Variants in MICAL2 observed in about 807,000 individuals in gnomAD.
MICAL2 encodes [F-actin]-monooxygenase MICAL2.
In MICAL2, 77 loss-of-function variants were observed where a neutral mutation model predicts 127.3. That is an observed-to-expected ratio of 0.60 (90% CI 0.50 to 0.73). The LOEUF is 0.73. Ranked by LOEUF, MICAL2 falls within the 30% of genes least tolerant of loss-of-function variation. The pLI is 0.00. For synonymous variants in MICAL2, 570 were observed against 551.1 expected (o/e 1.03, Z -0.48); for missense variants, 1,351 against 1,434.4 (o/e 0.94, Z 0.94).
chr11:12,194,647 AC>A (rs1859650434), intron 3 of MICAL2, among the ~76,000 whole-genome samples: 1 of 152,028 alleles, frequency 6.6e-6, no homozygotes, highest in African/African-American at 2.4e-5. Flanking sequence ...TTTATCTGAC[AC>A]CCCTTTTTGG....
chr11:12,262,775 G>T (rs558631553), intron 27 of MICAL2: 3 of 490,242 alleles, frequency 6.1e-6, no homozygotes, highest in East Asian at 6.8e-5. Flanking sequence ...TGCATGCCCC[G>T]CCTCTCCTCT....
chr11:12,301,758 G>T (rs1383543976), intron 29 of MICAL2, among the ~76,000 whole-genome samples: 1 of 152,162 alleles, frequency 6.6e-6, no homozygotes, highest in Admixed American at 6.6e-5. Flanking sequence ...TAGTCCAGCT[G>T]CATCTGTTAG....
chr11:12,153,621 A>G (rs1213524893), intron 2 of MICAL2, among the ~76,000 whole-genome samples: 1 of 152,166 alleles, frequency 6.6e-6, no homozygotes, highest in African/African-American at 2.4e-5. Flanking sequence ...TATTTTTGGT[A>G]GAGATGGGGT....
chr11:12,361,462 A>G (rs1589927959), downstream of MICAL2, among the ~76,000 whole-genome samples: 1 of 152,190 alleles, frequency 6.6e-6, no homozygotes, highest in African/African-American at 2.4e-5. Flanking sequence ...GCATCAACCT[A>G]TTCTACTCAC....
chr11:12,246,798 A>G (rs560843547), intron 21 of MICAL2, among the ~76,000 whole-genome samples: 9 of 152,254 alleles, frequency 5.9e-5, no homozygotes, highest in African/African-American at 2.2e-4. Context: ...ATGAAAATCC[A>G]TTGTTAGGCA....
chr11:12,218,278 G>A (rs1029364878), intron 8 of MICAL2, among the ~76,000 whole-genome samples: 1 of 152,182 alleles, frequency 6.6e-6, no homozygotes, highest in African/African-American at 2.4e-5. Flanking sequence ...CCCTGCCTCT[G>A]CTGGCCCATA....
chr11:12,312,038 A>T (rs1458297503), intron 29 of MICAL2, among the ~76,000 whole-genome samples: 2 of 151,194 alleles, frequency 1.3e-5, no homozygotes, highest in Non-Finnish European at 3.0e-5. Context: ...ACAAATTTTT[A>T]AAATTATTAT....
chr11:12,189,554 G>A (rs1279630447), intron 3 of MICAL2, among the ~76,000 whole-genome samples: 1 of 152,198 alleles, frequency 6.6e-6, no homozygotes, highest in African/African-American at 2.4e-5. Flanking sequence ...TAGTTTTGCA[G>A]GGTTTAAATT....
chr11:12,340,577 C>T (rs1938847113), intron 32 of MICAL2, among the ~76,000 whole-genome samples: 2 of 152,156 alleles, frequency 1.3e-5, no homozygotes, highest in Non-Finnish European at 2.9e-5. Flanking sequence ...CAAAAAGACA[C>T]ATACAAGAAT....
intron 31 of MICAL2, chr11:12,327,092 TG>T: frequency 1.6e-6 from 2 of 1,277,918 alleles, no homozygotes; most frequent in South Asian, 2.5e-5. Context: ...CTCTTTCTCC[TG>T]GAAAGTAAGT....
chr11:12,216,092 A>C (rs1856114966), intron 7 of MICAL2, 127 bp from the exon 8 acceptor site: 1 of 692,166 alleles, frequency 1.4e-6, no homozygotes, highest in African/African-American at 1.8e-5. Context: ...TGTGTGCCTT[A>C]AAAACTGGTC....
chr11:12,167,382 GTT>G (rs963464014), intron 3 of MICAL2, among the ~76,000 whole-genome samples: 5 of 152,262 alleles, frequency 3.3e-5, no homozygotes, highest in African/African-American at 1.2e-4. Context: ...CCAGGCCCCG[GTT>G]TGTGCTCGAG....
At chr11:12,211,252 G>A (rs10765930) in intron 6 of MICAL2, among the ~76,000 whole-genome samples, 15,891 of 152,116 alleles carry the variant, frequency 0.1, 904 homozygotes, top group Admixed American at 0.15. Flanking sequence ...ATGGTGGCAC[G>A]TACCTGTAGT....
At chr11:12,269,308 C>A (rs530795782) in intron 24 of MICAL2, among the ~76,000 whole-genome samples, 1 of 152,126 alleles carries the variant, frequency 6.6e-6, no homozygotes, top group Non-Finnish European at 1.5e-5. Context: ...CAGAGGAATG[C>A]GGGTATGGGT....
chr11:12,255,090 G>A (rs1862147299), intron 22 of MICAL2: 1 of 153,192 alleles, frequency 6.5e-6, no homozygotes, highest in African/African-American at 2.4e-5. Flanking sequence ...GGCTAATTTT[G>A]TGTTTTTAGT....
chr11:12,168,968 AG>A (rs1855904818), intron 3 of MICAL2, among the ~76,000 whole-genome samples: 1 of 32,322 alleles, frequency 3.1e-5, no homozygotes, highest in Non-Finnish European at 1.2e-4. Context: ...AAAAAAGAAA[AG>A]AAAAGAAAAG....
chr11:12,195,556 C>G (rs1859786945), intron 3 of MICAL2, among the ~76,000 whole-genome samples: 1 of 141,858 alleles, frequency 7.0e-6, no homozygotes, highest in Admixed American at 8.0e-5. Flanking sequence ...TGTTGTAAAG[C>G]TACTAGATTA....
chr11:12,256,004 C>T (rs78135529), intron 23 of MICAL2: 143 of 427,922 alleles, frequency 3.3e-4, no homozygotes, highest in East Asian at 2.6e-3. Flanking sequence ...CTTTGGAGAA[C>T]GGCCTGGTAG....
intron 7 of MICAL2, among the ~76,000 whole-genome samples, chr11:12,215,902 C>G (rs1289240575): frequency 1.3e-5 from 2 of 152,234 alleles, no homozygotes; most frequent in African/African-American, 4.8e-5. Context: ...CATTGCTGAG[C>G]TTCTGTGGCC....
Sources: allele counts gnomAD v4.1 joint callset (sites outside exome capture counted in the v4.1 genomes callset), GRCh38; gene constraint gnomAD v4.1.1; transcripts MANE v1.5; gene names NCBI Gene and HGNC (gene_info 2026-07-23, HGNC 2026-07-21).